ROBO1: variants seen among roughly 807,000 people sequenced by gnomAD.
The protein encoded by ROBO1 is roundabout homolog 1.
In ROBO1, 149 loss-of-function variants were observed where a neutral mutation model predicts 195.9. The ratio of observed to expected loss-of-function variants is 0.76; its 90% CI spans 0.67 to 0.87. The LOEUF (loss-of-function observed/expected upper bound fraction) is 0.87. ROBO1 is among the 40% of genes least tolerant of loss of function. ROBO1 has a pLI of 0.00. For synonymous variants in ROBO1, 816 were observed against 733.2 expected (o/e 1.11, Z -1.82); for missense variants, 1,933 against 2,068.3 (o/e 0.93, Z 1.27).
chr3:79,407,331 G>T (rs891649791), intron 2 of ROBO1, among the ~76,000 whole-genome samples: 31 of 152,012 alleles, frequency 2.0e-4, no homozygotes, highest in Non-Finnish European at 4.1e-4. Context: ...ACAGTCTCGG[G>T]GCCTTGCCTT....
chr3:78,869,330 A>G (rs2035396084), intron 4 of ROBO1, among the ~76,000 whole-genome samples: 1 of 152,168 alleles, frequency 6.6e-6, no homozygotes, highest in Admixed American at 6.6e-5. Flanking sequence ...TTAAAATTTT[A>G]TATTTGCTTT....
intron 4 of ROBO1, among the ~76,000 whole-genome samples, chr3:78,921,319 T>G (rs2038928678): frequency 6.6e-6 from 1 of 152,226 alleles, no homozygotes; most frequent in South Asian, 2.1e-4. Context: ...CTGTTCAGAA[T>G]TTCAGTGGCA....
intron 3 of ROBO1, among the ~76,000 whole-genome samples, chr3:79,044,817 G>C (rs936710725): frequency 6.6e-6 from 1 of 151,884 alleles, no homozygotes; most frequent in South Asian, 2.1e-4. Context: ...GGATACATAA[G>C]AGTTGTAATC....
intron 9 of ROBO1, among the ~76,000 whole-genome samples, chr3:78,686,427 C>T (rs958717250): frequency 6.6e-5 from 10 of 151,708 alleles, no homozygotes; most frequent in Admixed American, 2.0e-4. Flanking sequence ...GTGGTGGCAG[C>T]GCCTGTAGTC....
At chr3:79,145,990 C>T (rs2108625373) in intron 2 of ROBO1, among the ~76,000 whole-genome samples, 1 of 150,544 alleles carries the variant, frequency 6.6e-6, no homozygotes, top group Middle Eastern at 3.4e-3. Flanking sequence ...CCCCTTAAAC[C>T]TTTGAGAATA....
intron 2 of ROBO1, among the ~76,000 whole-genome samples, chr3:79,280,555 G>C (rs900841632): frequency 2.0e-5 from 3 of 152,110 alleles, no homozygotes; most frequent in African/African-American, 7.2e-5. Context: ...AGAGTTAAGA[G>C]TTTCTTGTAC....
chr3:79,356,420 A>G (rs1559841623), intron 2 of ROBO1, among the ~76,000 whole-genome samples: 1 of 152,204 alleles, frequency 6.6e-6, no homozygotes, highest in Non-Finnish European at 1.5e-5. Context: ...TAATCAAATC[A>G]ATCTTTTGAC....
intron 1 of ROBO1, among the ~76,000 whole-genome samples, chr3:79,757,974 TCTTGATCAGG>T (rs1156564979): frequency 1.3e-5 from 2 of 152,212 alleles, no homozygotes; most frequent in East Asian, 3.9e-4. Context: ...GTCATTACCT[TCTTGATCAGG>T]CTGAGATTAT....
At chr3:78,611,747 GAGGTAATGA>G (rs1472409269) in intron 28 of ROBO1, among the ~76,000 whole-genome samples, 5 of 152,168 alleles carry the variant, frequency 3.3e-5, no homozygotes, top group African/African-American at 1.2e-4. Flanking sequence ...AGTCTTTAAA[GAGGTAATGA>G]AGTTAAAATG....
At chr3:79,491,397 G>A (rs1939447177) in intron 2 of ROBO1, among the ~76,000 whole-genome samples, 1 of 152,164 alleles carries the variant, frequency 6.6e-6, no homozygotes, top group Non-Finnish European at 1.5e-5. Flanking sequence ...TGTAAGAGTA[G>A]TCAGCTCCAG....
At chr3:79,672,700 A>T (rs1252493305) in intron 1 of ROBO1, among the ~76,000 whole-genome samples, 1 of 151,872 alleles carries the variant, frequency 6.6e-6, no homozygotes, top group African/African-American at 2.4e-5. Context: ...TGCAAACCTA[A>T]ATGAGTCCTG....
chr3:79,586,460 C>T (rs1246919322), intron 2 of ROBO1, among the ~76,000 whole-genome samples: 1 of 151,738 alleles, frequency 6.6e-6, no homozygotes, highest in East Asian at 1.9e-4. Flanking sequence ...AGGAAATAAC[C>T]CAGTCAGCAC....
chr3:79,744,476 T>A (rs74447312), intron 1 of ROBO1, among the ~76,000 whole-genome samples: 333 of 152,236 alleles, frequency 2.2e-3, no homozygotes, highest in Non-Finnish European at 3.9e-3. Context: ...GCTAATTAGG[T>A]CATGGGGATG....
At chr3:79,434,635 C>T (rs2107066970) in intron 2 of ROBO1, among the ~76,000 whole-genome samples, 1 of 152,214 alleles carries the variant, frequency 6.6e-6, no homozygotes, top group South Asian at 2.1e-4. Context: ...CTAATTCAAC[C>T]ATTGTGGAAG....
chr3:79,026,519 TA>T (rs1463499660), intron 3 of ROBO1, among the ~76,000 whole-genome samples: 4 of 152,124 alleles, frequency 2.6e-5, no homozygotes, highest in Non-Finnish European at 2.9e-5. Context: ...AAAGCTTTTT[TA>T]TTTTATGTCC....
intron 4 of ROBO1, among the ~76,000 whole-genome samples, chr3:78,812,096 T>C (rs929570772): frequency 3.9e-5 from 6 of 152,128 alleles, no homozygotes; most frequent in African/African-American, 1.4e-4. Context: ...GCACACGTTT[T>C]GTTATGTGGA....
At chr3:79,650,173 T>C (rs1426753368) in intron 1 of ROBO1, among the ~76,000 whole-genome samples, 2 of 151,838 alleles carry the variant, frequency 1.3e-5, no homozygotes, top group East Asian at 1.9e-4. Flanking sequence ...CAATAAAAAC[T>C]ACAAATCTCT....
Position 78,911,910 on chromosome 3 carries a change from A to G in ROBO1, c.499+26691T>C, listed in dbSNP as rs148601833. Among the ~76,000 whole-genome samples the G allele has an allele frequency of 4.0e-4, 61 of 152,212 alleles. 1 individual carries two copies. The East Asian group carries it at 0.012, about 29-fold the overall frequency. ...TAGTCCGCTATTTTGATTCCAATAC[A>G]TGTCCAGTGAGTCTTTCTTTAGTAT... On this transcript the variant is annotated intron_variant, in intron 4 of 30. Transcript: ENST00000464233.
chr3:78,936,378 T>A lies in ROBO1; in HGVS notation c.499+2223A>T, dbSNP rs1199276800. On this transcript the variant is annotated intron_variant, in intron 4 of 30. Coordinates refer to ENST00000464233, the MANE Select transcript of ROBO1 (RefSeq NM_002941.4). ...GTTGCCTCAAGACACTTTTCGTTAA[T>A]GTTTTTACTTGGGGGTGATAGTTTA... Among the ~76,000 whole-genome samples the A allele has an allele frequency of 1.6e-4, 25 of 152,056 alleles. 1 individual carries two copies. The highest frequency in any genetic ancestry group is 1.6e-3 in the Admixed American group (25 of 15,274).
Sources: allele counts gnomAD v4.1 joint callset (sites outside exome capture counted in the v4.1 genomes callset), GRCh38; gene constraint gnomAD v4.1.1; transcripts MANE v1.5; gene names NCBI Gene and HGNC (gene_info 2026-07-23, HGNC 2026-07-21).